The following NEK4 variants were observed in gnomAD, a reference collection of about 807,000 sequenced individuals.
NEK4 encodes the protein serine/threonine-protein kinase Nek4.
In NEK4, 86 loss-of-function variants were observed where a neutral mutation model predicts 98.4. That is an observed-to-expected ratio of 0.87 (90% CI 0.73 to 1.05). NEK4 has a LOEUF of 1.05. NEK4 is among the 50% of genes least tolerant of loss of function. The pLI, the probability that NEK4 is intolerant of heterozygous loss-of-function variation, is 0.00. For missense variants in NEK4, 898 were observed against 950.3 expected, an observed-to-expected ratio of 0.94 and a Z score of 0.72; for synonymous variants, 328 against 342.2, an observed-to-expected ratio of 0.96 and a Z score of 0.46.
At position 52,709,293 on chromosome 3, in the gene NEK4, T is replaced by TGCC. The variant is rs1578604495; in HGVS notation, c.*2483_*2484insGGC. The stretch of plus-strand genomic sequence containing the variant: ...ATATTCGGAAGAAAATTCACAGTCT[T>TGCC]AAAGATGAGTTTTTAAATTAATTTA... On this transcript the variant is annotated 3_prime_UTR_variant, in exon 16 of 16. Transcript: ENST00000233027. The TGCC allele has an allele frequency of 6.6e-6, 1 of 152,086 alleles. No individual in the cohort carries two copies. The highest frequency in any genetic ancestry group is 1.9e-4 in the East Asian group (1 of 5,194). 9.4% of individuals were successfully genotyped at this position (152,086 alleles called of 1,614,324 possible).
At chr3:52,730,169 A>C (rs1247812680) in intron 15 of NEK4, among the ~76,000 whole-genome samples, 1 of 152,236 alleles carries the variant, frequency 6.6e-6, no homozygotes, top group Admixed American at 6.5e-5. Flanking sequence ...TATGCCAACA[A>C]GTTGCATAAA....
intron 15 of NEK4, among the ~76,000 whole-genome samples, chr3:52,721,342 TC>T (rs1442624792): frequency 6.6e-6 from 1 of 152,248 alleles, no homozygotes; most frequent in East Asian, 1.9e-4. Context: ...TGAAGTGACT[TC>T]CTGGGGATTT....
rs1243871347 is a variant in NEK4, at chr3:52,753,394, G to A, written c.964-1058C>T. ...AGAGATGCCGCTGGGCCACAAAGGTGATAGGCAGCTGGGAACTCTACATTG... is the reference window on the plus strand; with the variant it reads ...AGAGATGCCGCTGGGCCACAAAGGTAATAGGCAGCTGGGAACTCTACATTG... On this transcript the variant is annotated intron_variant, in intron 6 of 15. Transcript: ENST00000233027. The A allele has an allele frequency of 8.5e-6, 3 of 353,950 alleles. No homozygotes were observed. In the East Asian group the frequency reaches 2.3e-4, roughly 27 times the overall value. 21.9% of individuals were successfully genotyped at this position (353,950 alleles called of 1,614,324 possible).
intron 6 of NEK4, among the ~76,000 whole-genome samples, chr3:52,752,933 T>TATATACACACACACAC (rs148965312): frequency 3.6e-3 from 274 of 75,178 alleles, no homozygotes; most frequent in Non-Finnish European, 5.6e-3. Flanking sequence ...TATATATATA[T>TATATACACACACACAC]ACACACACAC....
chr3:52,755,584 C>T (rs1323269373), intron 6 of NEK4, among the ~76,000 whole-genome samples: 2 of 151,910 alleles, frequency 1.3e-5, no homozygotes, highest in African/African-American at 4.8e-5. Context: ...GTAAACATCA[C>T]ATTTAATGGT....
chr3:52,757,555 CAAAAAAAAAAA>C (rs541943769), intron 6 of NEK4, among the ~76,000 whole-genome samples: 1 of 72,206 alleles, frequency 1.4e-5, no homozygotes, highest in African/African-American at 4.0e-5. Flanking sequence ...GACTCCGTCT[CAAAAAAAAAAA>C]AAAAAAGAAA....
rs1350273977 is a variant in NEK4, at chr3:52,737,604, C to A, written c.2415G>T (p.Glu805Asp). Residue 805 changes from glutamate to aspartate, a missense_variant, in exon 15 of 16, where the codon GAG becomes GAT. Coordinates refer to ENST00000233027, the MANE Select transcript of NEK4 (RefSeq NM_003157.6). The stretch of plus-strand genomic sequence containing the variant: ...CACTCACCTCTCTATCAAATTCATC[C>A]TCCTCCTCCAAAAGATCATACACCT... ...LEQVYDLLEE[E>D]DEFDREVRLR... 1 of 1,613,640 alleles carries A rather than the reference C, an allele frequency of 6.2e-7. No individual in the cohort carries two copies. Among genetic ancestry groups the A allele is most frequent in the Admixed American group, 1.7e-5 (1 of 60,006 alleles).
chr3:52,733,566 C>T (rs1171807285), intron 15 of NEK4: 5 of 509,222 alleles, frequency 9.8e-6, no homozygotes, highest in South Asian at 1.4e-5. Flanking sequence ...GTCAATTGCA[C>T]GGCATCAAAT....
intron 15 of NEK4, chr3:52,733,700 G>A (rs757870196): frequency 1.8e-5 from 8 of 442,838 alleles, no homozygotes; most frequent in Non-Finnish European, 2.3e-5. Context: ...TAGTGAATGC[G>A]GCAAGGTCTT....
Position 52,746,209 on chromosome 3 carries a change from A to T in NEK4, c.1679T>A (p.Phe560Tyr). 6.2e-7 allele frequency: 1 copy of T among 1,613,516 alleles called. No homozygotes were observed. The highest frequency in any genetic ancestry group is 8.5e-7 in the Non-Finnish European group (1 of 1,179,640). The change falls in exon 10 of 16, where the codon TTC becomes TAC. Residue 560 changes from phenylalanine to tyrosine, a missense_variant and splice_region_variant. Transcript: ENST00000233027. ...CAAAAATCGAGGAGGCGACTCTTGG[A>T]ACTTAAATAATTAAAAAAGAAGATT... ...KRQVRRDLFA[F>Y]QESPPRFLPS...
At chr3:52,721,735 C>CA (rs200229574) in intron 15 of NEK4, among the ~76,000 whole-genome samples, 7,275 of 78,070 alleles carry the variant, frequency 0.093, 230 homozygotes, top group Middle Eastern at 0.14. Context: ...GACCCTGTCT[C>CA]AAAAAAAAAA....
Position 52,765,996 on chromosome 3 carries a change from T to C in NEK4, c.559-2A>G. On this transcript the variant is annotated splice_acceptor_variant, in intron 3 of 15. Coordinates refer to ENST00000233027, the MANE Select transcript of NEK4 (RefSeq NM_003157.6). LOFTEE classifies it high-confidence loss of function. ...GCATCCTAGAGCCCAAACATCAGACTAGAAAATAAAAACAGTAAACGGTTA... is the reference window on the plus strand; with the variant it reads ...GCATCCTAGAGCCCAAACATCAGACCAGAAAATAAAAACAGTAAACGGTTA... 1 of 1,594,322 alleles carries C rather than the reference T, an allele frequency of 6.3e-7. No individual in the cohort carries two copies.
intron 15 of NEK4, among the ~76,000 whole-genome samples, chr3:52,736,442 C>G (rs1304314514): frequency 2.0e-5 from 3 of 152,056 alleles, no homozygotes; most frequent in Non-Finnish European, 4.4e-5. Context: ...AAACATTAGC[C>G]AAGCGTGGTG....
chr3:52,728,670 T>G (rs1425671821), intron 15 of NEK4, among the ~76,000 whole-genome samples: 1 of 152,200 alleles, frequency 6.6e-6, no homozygotes, highest in African/African-American at 2.4e-5. Context: ...AAGGTCTGAC[T>G]GCCTGAGGGG....
At chr3:52,721,522 G>C (rs954120836) in intron 15 of NEK4, among the ~76,000 whole-genome samples, 1 of 151,932 alleles carries the variant, frequency 6.6e-6, no homozygotes, top group Admixed American at 6.6e-5. Context: ...GAGCCCAGGA[G>C]TTCAAGACCC....
intron 6 of NEK4, among the ~76,000 whole-genome samples, chr3:52,755,159 CAAA>C (rs2097412970): frequency 7.2e-6 from 1 of 138,368 alleles, no homozygotes; most frequent in Non-Finnish European, 1.6e-5. Context: ...AACAGAAAGA[CAAA>C]TATTGTATGA....
chr3:52,723,884 A>G (rs1428864012), intron 15 of NEK4, among the ~76,000 whole-genome samples: 3 of 152,052 alleles, frequency 2.0e-5, no homozygotes, highest in African/African-American at 7.2e-5. Context: ...AGGCTCAACA[A>G]ACTCCAAGTA....
Position 52,770,785 on chromosome 3 carries a change from C to T in NEK4, c.-39G>A. 8 of 1,525,330 alleles carry T rather than the reference C, an allele frequency of 5.2e-6. No homozygotes were observed. The highest frequency in any genetic ancestry group is 6.2e-6 in the Non-Finnish European group (7 of 1,129,262). 94.5% of individuals were successfully genotyped at this position (1,525,330 alleles called of 1,614,324 possible). A position where few individuals can be genotyped will look rare whatever the true frequency, so the allele number is the denominator to read the frequency against. ...GCCCAGAGTCGGGATGCGGCGGCAG[C>T]GGCGGGTAGGGCAGCGGGCGGCAAC... is the stretch of plus-strand genomic sequence containing the variant. On this transcript the variant is annotated 5_prime_UTR_variant, in exon 1 of 16. Transcript: ENST00000233027.
intron 15 of NEK4, among the ~76,000 whole-genome samples, chr3:52,736,322 C>T (rs138161554): frequency 6.6e-6 from 1 of 152,124 alleles, no homozygotes; most frequent in Admixed American, 6.5e-5. Context: ...CCTGGTGGCT[C>T]ACGCCTGTAA....
Sources: allele counts gnomAD v4.1 joint callset (sites outside exome capture counted in the v4.1 genomes callset), GRCh38; gene constraint gnomAD v4.1.1; transcripts MANE v1.5; gene names NCBI Gene and HGNC (gene_info 2026-07-23, HGNC 2026-07-21).